The following MAP2K6 variants were observed in gnomAD, a reference collection of about 807,000 sequenced individuals.
MAP2K6 encodes mitogen-activated protein kinase kinase 6, also known as dual specificity mitogen-activated protein kinase kinase 6.
A neutral mutation model predicts 53.7 loss-of-function variants in MAP2K6; 16 were observed. The ratio of observed to expected loss-of-function variants is 0.30; its 90% confidence interval spans 0.20 to 0.45. MAP2K6 has a LOEUF of 0.45. Ranked by LOEUF, MAP2K6 falls within the 20% of genes least tolerant of loss-of-function variation. The probability of loss-of-function intolerance (pLI) is 1.00; values close to 1 mark genes in which losing one functional copy is unlikely to be tolerated. For synonymous variants in MAP2K6, 132 were observed against 143.1 expected (o/e 0.92, Z 0.55); for missense variants, 204 against 411.9 (o/e 0.50, Z 4.37).
intron 1 of MAP2K6, chr17:69,501,575 G>A (rs1909176756): frequency 6.6e-6 from 1 of 152,122 alleles, no homozygotes; most frequent in Non-Finnish European, 1.5e-5. Flanking sequence ...TTTGGTTTCA[G>A]ATGAATTTTG....
At chr17:69,518,280 T>C (rs1345321325) in intron 4 of MAP2K6, among the ~76,000 whole-genome samples, 1 of 152,098 alleles carries the variant, frequency 6.6e-6, no homozygotes, top group Non-Finnish European at 1.5e-5. Context: ...TCTCAAAGTG[T>C]GTGTGTTTGT....
At position 69,553,744 on chromosome 17, in the gene MAP2K6, A is replaced by G. The variant is rs1245693414; in HGVS notation, c.*11991A>G. ...ACCTTTTTCCGTCAAAGTGCTTGCT[A>G]TGGCTTTCATAGCTGGGACAAGTAA... On this transcript the variant is annotated 3_prime_UTR_variant, in exon 12 of 12. Transcript: ENST00000590474. 1.3e-5 allele frequency: 2 copies of G among 152,352 alleles called. No homozygotes were observed. The highest frequency in any genetic ancestry group is 3.9e-4 in the East Asian group (2 of 5,188). 9.4% of individuals were successfully genotyped at this position (152,352 alleles called of 1,614,324 possible).
intron 1 of MAP2K6, among the ~76,000 whole-genome samples, chr17:69,454,996 T>C (rs1907351946): frequency 6.6e-6 from 1 of 152,086 alleles, no homozygotes; most frequent in African/African-American, 2.4e-5. Flanking sequence ...AGTGCTTTCT[T>C]TCCTAAGCAA....
chr17:69,505,760 C>A lies in MAP2K6; in HGVS notation c.17-20C>A. 4 of 1,607,578 alleles carry A rather than the reference C, an allele frequency of 2.5e-6. No homozygotes were observed. The highest frequency in any genetic ancestry group is 1.1e-5 in the South Asian group (1 of 90,954). On this transcript the variant is annotated intron_variant, in intron 1 of 11. Coordinates refer to ENST00000590474, the MANE Select transcript of MAP2K6 (RefSeq NM_002758.4). The stretch of plus-strand genomic sequence containing the variant: ...GCTATGATTTAGTCCTTAACTTTTT[C>A]CTTTTGTCTTTCCCCATAGGCAAGA...
At chr17:69,451,239 TTTGCAAGCCGG>T (rs1294256612) in intron 1 of MAP2K6, among the ~76,000 whole-genome samples, 1 of 152,156 alleles carries the variant, frequency 6.6e-6, no homozygotes, top group East Asian at 1.9e-4. Context: ...AGCCAGTCAT[TTTGCAAGCCGG>T]TTGCAAGCCG....
At chr17:69,458,148 G>A (rs1476348102) in intron 1 of MAP2K6, among the ~76,000 whole-genome samples, 1 of 152,080 alleles carries the variant, frequency 6.6e-6, no homozygotes, top group African/African-American at 2.4e-5. Context: ...CCGCCTTCTG[G>A]GTTCCAGTGA....
intron 1 of MAP2K6, among the ~76,000 whole-genome samples, chr17:69,497,527 T>TTTG (rs1409460714): frequency 6.6e-6 from 1 of 151,688 alleles, no homozygotes; most frequent in Non-Finnish European, 1.5e-5. Flanking sequence ...GTTACATCTT[T>TTTG]TTTTTTTTCT....
intron 1 of MAP2K6, among the ~76,000 whole-genome samples, chr17:69,500,854 T>C (rs1269826038): frequency 6.6e-6 from 1 of 152,136 alleles, no homozygotes; most frequent in African/African-American, 2.4e-5. Flanking sequence ...ATCTCAGTGG[T>C]ATATAAGAGC....
At chr17:69,438,880 C>T (rs1224865238) in intron 1 of MAP2K6, among the ~76,000 whole-genome samples, 6 of 152,176 alleles carry the variant, frequency 3.9e-5, no homozygotes, top group Non-Finnish European at 4.4e-5. Flanking sequence ...CCACCGCGCC[C>T]AGCTGGTACA....
At chr17:69,520,048 C>A in intron 5 of MAP2K6, 2 of 508,646 alleles carry the variant, frequency 3.9e-6, no homozygotes, top group Non-Finnish European at 6.9e-6. Context: ...GGTAGGAGAG[C>A]ACATGCAGGT....
intron 9 of MAP2K6, among the ~76,000 whole-genome samples, chr17:69,526,320 T>C (rs1308111485): frequency 6.6e-6 from 1 of 152,230 alleles, no homozygotes; most frequent in Non-Finnish European, 1.5e-5. Flanking sequence ...TGGGTTTTAG[T>C]GAGGGTCCCC....
At chr17:69,534,801 A>G (rs974644559) in intron 10 of MAP2K6, among the ~76,000 whole-genome samples, 1 of 151,914 alleles carries the variant, frequency 6.6e-6, no homozygotes, top group Non-Finnish European at 1.5e-5. Flanking sequence ...ATTCCTTTCC[A>G]TTCCAATGCC....
At chr17:69,429,949 C>T (rs1906403584) in intron 1 of MAP2K6, among the ~76,000 whole-genome samples, 1 of 152,046 alleles carries the variant, frequency 6.6e-6, no homozygotes, top group Admixed American at 6.6e-5. Context: ...GACAGGTGAT[C>T]CGAATAACAA....
At chr17:69,527,230 G>T (rs958697326) in intron 10 of MAP2K6, among the ~76,000 whole-genome samples, 1 of 152,220 alleles carries the variant, frequency 6.6e-6, no homozygotes, top group South Asian at 2.1e-4. Flanking sequence ...TAGAGGCAAA[G>T]AATTACTTTC....
intron 1 of MAP2K6, among the ~76,000 whole-genome samples, chr17:69,425,794 G>T (rs2145131755): frequency 6.6e-6 from 1 of 152,286 alleles, no homozygotes; most frequent in Non-Finnish European, 1.5e-5. Flanking sequence ...GATGAGAGGA[G>T]ATAGCTGTAA....
chr17:69,529,395 T>G (rs1910956201), intron 10 of MAP2K6, among the ~76,000 whole-genome samples: 1 of 152,222 alleles, frequency 6.6e-6, no homozygotes, highest in Admixed American at 6.5e-5. Context: ...TTGAATTTTC[T>G]TTCACCAGTG....
intron 1 of MAP2K6, among the ~76,000 whole-genome samples, chr17:69,471,393 C>T (rs1033373763): frequency 2.0e-5 from 3 of 152,232 alleles, no homozygotes; most frequent in Non-Finnish European, 4.4e-5. Flanking sequence ...GAGCTGGAGG[C>T]CATTATCCTA....
At chr17:69,521,222 A>G in intron 7 of MAP2K6, 122 bp downstream of exon 7, 1 of 756,982 alleles carries the variant, frequency 1.3e-6, no homozygotes, top group Non-Finnish European at 2.2e-6. Flanking sequence ...AAGAGAACTA[A>G]GGGGCTTTCC....
At chr17:69,428,516 C>T (rs1055177092) in intron 1 of MAP2K6, among the ~76,000 whole-genome samples, 7 of 152,186 alleles carry the variant, frequency 4.6e-5, no homozygotes, top group African/African-American at 1.4e-4. Flanking sequence ...CAAGTAAGAT[C>T]CCATTCAGAG....
Sources: allele counts gnomAD v4.1 joint callset (sites outside exome capture counted in the v4.1 genomes callset), GRCh38; gene constraint gnomAD v4.1.1; transcripts MANE v1.5; gene names NCBI Gene and HGNC (gene_info 2026-07-23, HGNC 2026-07-21).